KCNIP4: variants seen among roughly 807,000 people sequenced by gnomAD.
KCNIP4 encodes Kv channel-interacting protein 4.
In KCNIP4, 12 loss-of-function variants were observed where a neutral mutation model predicts 34.0. The observed-to-expected ratio is 0.35, with a 90% CI of 0.23 to 0.57. The LOEUF (loss-of-function observed/expected upper bound fraction) is 0.57. Among genes scored for constraint, KCNIP4 ranks in the 20% least tolerant of loss-of-function variants. KCNIP4 has a pLI of 0.83. For synonymous variants in KCNIP4, 124 were observed against 102.2 expected (o/e 1.21, Z -1.29); for missense variants, 238 against 311.7 (o/e 0.76, Z 1.78).
At chr4:21,694,914 CAAA>C (rs368053041) in intron 1 of KCNIP4, among the ~76,000 whole-genome samples, 8 of 46,504 alleles carry the variant, frequency 1.7e-4, no homozygotes, top group Non-Finnish European at 2.2e-4. Flanking sequence ...CACGATTGAC[CAAA>C]AAAAAAAAAA....
Position 21,857,579 on chromosome 4 carries a change from C to T in KCNIP4, c.61+90992G>A, listed in dbSNP as rs539218642. On this transcript the variant is annotated intron_variant, in intron 1 of 8. Coordinates refer to ENST00000382152, the MANE Select transcript of KCNIP4 (RefSeq NM_025221.6). ...GGAGCTAACCACTCCAGGGTCACCTCTCTGCTGACAGCTGAACACTCGTCA... is the reference window on the plus strand; with the variant it reads ...GGAGCTAACCACTCCAGGGTCACCTTTCTGCTGACAGCTGAACACTCGTCA... Among the ~76,000 whole-genome samples, 6 of 152,284 alleles carry T rather than the reference C, an allele frequency of 3.9e-5. No individual in the cohort carries two copies. The East Asian group carries it at 1.2e-3, about 29-fold the overall frequency.
intron 1 of KCNIP4, among the ~76,000 whole-genome samples, chr4:21,088,386 T>A (rs1746661346): frequency 6.6e-6 from 1 of 152,226 alleles, no homozygotes; most frequent in African/African-American, 2.4e-5. Flanking sequence ...TCCATTTTCA[T>A]GACCTCTGCT....
At chr4:21,659,121 C>A (rs1394237113) in intron 1 of KCNIP4, among the ~76,000 whole-genome samples, 1 of 152,052 alleles carries the variant, frequency 6.6e-6, no homozygotes, top group Non-Finnish European at 1.5e-5. Context: ...TATTTTCTTT[C>A]AAAAGTGTTA....
chr4:21,038,781 C>T (rs1741685095), intron 1 of KCNIP4, among the ~76,000 whole-genome samples: 1 of 152,078 alleles, frequency 6.6e-6, no homozygotes, highest in South Asian at 2.1e-4. Context: ...TATTTTAATC[C>T]ATTTCATAGA....
intron 1 of KCNIP4, among the ~76,000 whole-genome samples, chr4:21,919,255 G>C (rs558106096): frequency 6.6e-6 from 1 of 152,258 alleles, no homozygotes; most frequent in African/African-American, 2.4e-5. Context: ...TGCATATTCA[G>C]AATATTGGGG....
chr4:21,402,757 T>C (rs1190947409), intron 1 of KCNIP4, among the ~76,000 whole-genome samples: 1 of 152,202 alleles, frequency 6.6e-6, no homozygotes. Flanking sequence ...ACTTTTTCAC[T>C]GTTCTCTGGA....
intron 2 of KCNIP4, among the ~76,000 whole-genome samples, chr4:20,853,773 A>G (rs540787122): frequency 6.6e-6 from 1 of 152,336 alleles, no homozygotes; most frequent in Admixed American, 6.5e-5. Context: ...AATATCCAGA[A>G]AGTACAACGA....
chr4:21,384,450 T>C (rs1370587910), intron 1 of KCNIP4, among the ~76,000 whole-genome samples: 1 of 152,114 alleles, frequency 6.6e-6, no homozygotes, highest in Non-Finnish European at 1.5e-5. Context: ...ATTCATATAA[T>C]CTATCCTAAA....
At chr4:21,238,553 T>G (rs1284091507) in intron 1 of KCNIP4, among the ~76,000 whole-genome samples, 2 of 152,138 alleles carry the variant, frequency 1.3e-5, no homozygotes, top group Non-Finnish European at 2.9e-5. Flanking sequence ...AAAATCAATG[T>G]GCAAAAATCA....
chr4:20,844,586 C>T (rs907515674), intron 3 of KCNIP4, among the ~76,000 whole-genome samples: 8 of 152,168 alleles, frequency 5.3e-5, no homozygotes, highest in African/African-American at 1.7e-4. Context: ...GAGCAATTGC[C>T]TTATGCAATT....
At chr4:21,146,189 G>C (rs1468160002) in intron 1 of KCNIP4, among the ~76,000 whole-genome samples, 1 of 152,116 alleles carries the variant, frequency 6.6e-6, no homozygotes, top group East Asian at 1.9e-4. Flanking sequence ...ACGAGGTCAC[G>C]AGATCGAGAC....
At chr4:21,362,605 A>G (rs1482003181) in intron 1 of KCNIP4, among the ~76,000 whole-genome samples, 1 of 152,064 alleles carries the variant, frequency 6.6e-6, no homozygotes, top group Middle Eastern at 3.2e-3. Flanking sequence ...ATAAAGATTG[A>G]ATTAAAAAAA....
intron 1 of KCNIP4, among the ~76,000 whole-genome samples, chr4:20,956,037 G>A (rs965998000): frequency 3.3e-5 from 5 of 152,166 alleles, no homozygotes; most frequent in Middle Eastern, 3.4e-3. Context: ...ACCTTCTAAC[G>A]CCTATCACTT....
chr4:20,982,073 A>G (rs1560620156), intron 1 of KCNIP4, among the ~76,000 whole-genome samples: 2 of 152,208 alleles, frequency 1.3e-5, no homozygotes. Flanking sequence ...GACATTGAAG[A>G]ATAAAAGCTG....
intron 1 of KCNIP4, among the ~76,000 whole-genome samples, chr4:20,925,455 C>A (rs572000309): frequency 6.6e-6 from 1 of 152,222 alleles, no homozygotes; most frequent in African/African-American, 2.4e-5. Flanking sequence ...AATGCCATGA[C>A]GACATCAGGA....
chr4:20,969,535 G>A lies in KCNIP4; in HGVS notation c.62-86826C>T, dbSNP rs151047526. Among the ~76,000 whole-genome samples, 931 of 150,126 alleles carry A rather than the reference G, an allele frequency of 6.2e-3. 12 individuals are homozygous for A. Among genetic ancestry groups the A allele is most frequent in the African/African-American group, 0.022 (883 of 39,642 alleles). On this transcript the variant is annotated intron_variant, in intron 1 of 8. Transcript: ENST00000382152. ...TAAATTTGTGTGTCCCTTTTGACAT[G>A]CAAATTTGCTGCGTGTGTGTTTGTG...
rs114247954 is a variant in KCNIP4 at position 20,869,849 on chromosome 4, C to T, written c.163+12759G>A. On this transcript the variant is annotated intron_variant, in intron 2 of 8. Transcript: ENST00000382152. ...TTCTGAGTTTGAATCATTTTTCTGA[C>T]TCTTGTTAGCTCTGTGTGACCTTGG... 6.6e-3 allele frequency among the ~76,000 whole-genome samples: 1,001 copies of T among 152,064 alleles called. 11 individuals are homozygous for T. The highest frequency in any genetic ancestry group is 0.023 in the African/African-American group (964 of 41,502).
chr4:21,730,630 C>G (rs1426227897), intron 1 of KCNIP4, among the ~76,000 whole-genome samples: 1 of 152,016 alleles, frequency 6.6e-6, no homozygotes, highest in African/African-American at 2.4e-5. Context: ...ATTAATAAAA[C>G]ATTGTAATGG....
intron 1 of KCNIP4, among the ~76,000 whole-genome samples, chr4:21,676,420 C>T (rs546066126): frequency 1.4e-4 from 21 of 152,268 alleles, no homozygotes; most frequent in African/African-American, 4.8e-4. Context: ...AGTGAAGGTA[C>T]CCAATTGCCT....
Sources: gnomAD v4.1 joint callset for allele counts (sites outside exome capture counted in the v4.1 genomes callset) on GRCh38, gnomAD v4.1.1 for gene constraint, MANE v1.5 for transcripts, NCBI Gene and HGNC (gene_info 2026-07-23, HGNC 2026-07-21) for gene names.